MED12L: variants seen among roughly 807,000 people sequenced by gnomAD.
MED12L encodes the protein mediator complex subunit 12L.
In MED12L, 60 loss-of-function variants were observed where a neutral mutation model predicts 281.3. That is an observed-to-expected ratio of 0.21 (90% CI 0.17 to 0.26). MED12L has a LOEUF of 0.26. Ranked by LOEUF, MED12L falls within the 10% of genes least tolerant of loss-of-function variation. MED12L has a pLI of 1.00. For synonymous variants in MED12L, 974 were observed against 987.2 expected (o/e 0.99, Z 0.25); for missense variants, 2,146 against 2,680.9 (o/e 0.80, Z 4.41).
intron 16 of MED12L, among the ~76,000 whole-genome samples, chr3:151,292,160 T>G (rs890851027): frequency 6.6e-6 from 1 of 152,224 alleles, no homozygotes; most frequent in African/African-American, 2.4e-5. Flanking sequence ...ATTTAATAGC[T>G]TATATAAACA....
intron 6 of MED12L, among the ~76,000 whole-genome samples, chr3:151,157,777 A>C (rs1482103563): frequency 6.6e-6 from 1 of 152,228 alleles, no homozygotes; most frequent in Non-Finnish European, 1.5e-5. Context: ...TAACCATTGC[A>C]GTGGAACACT....
chr3:151,134,749 A>G (rs1464063251), intron 5 of MED12L, among the ~76,000 whole-genome samples: 1 of 152,218 alleles, frequency 6.6e-6, no homozygotes, highest in Non-Finnish European at 1.5e-5. Context: ...TGTTCAGGGA[A>G]GGGCATTTCT....
intron 32 of MED12L, among the ~76,000 whole-genome samples, chr3:151,380,703 G>T (rs1712136536): frequency 6.6e-6 from 1 of 151,656 alleles, no homozygotes. Flanking sequence ...GACACCACAA[G>T]ATTAACAACT....
At chr3:151,096,271 G>T (rs1307497465) in intron 2 of MED12L, among the ~76,000 whole-genome samples, 4 of 152,266 alleles carry the variant, frequency 2.6e-5, no homozygotes, top group South Asian at 2.1e-4. Context: ...CATGGTTTAA[G>T]CCACAGTTGG....
At chr3:151,429,079 CCACT>C (rs1378757784) in intron 43 of MED12L, among the ~76,000 whole-genome samples, 7 of 152,148 alleles carry the variant, frequency 4.6e-5, no homozygotes, top group Admixed American at 3.9e-4. Flanking sequence ...AGGTGATGGC[CCACT>C]CACTGACTGC....
chr3:151,403,052 G>A (rs2108305919), intron 39 of MED12L, among the ~76,000 whole-genome samples: 1 of 148,672 alleles, frequency 6.7e-6, no homozygotes, highest in East Asian at 2.0e-4. Flanking sequence ...AATTTTTATA[G>A]CATTGCCCTT....
intron 4 of MED12L, among the ~76,000 whole-genome samples, chr3:151,126,291 C>G (rs951761992): frequency 1.7e-4 from 26 of 152,144 alleles, no homozygotes; most frequent in Non-Finnish European, 3.5e-4. Context: ...GATCCACCTG[C>G]TTCTGCTTCC....
At chr3:151,137,817 T>A (rs79776978) in intron 5 of MED12L, among the ~76,000 whole-genome samples, 1 of 152,164 alleles carries the variant, frequency 6.6e-6, no homozygotes, top group Non-Finnish European at 1.5e-5. Flanking sequence ...TTTTTTTTTT[T>A]AAGCTTTACA....
At chr3:151,307,852 C>G (rs1746926558) in intron 16 of MED12L, among the ~76,000 whole-genome samples, 1 of 152,016 alleles carries the variant, frequency 6.6e-6, no homozygotes, top group Admixed American at 6.6e-5. Flanking sequence ...GAAGTAGCTT[C>G]CCTGGTAGAA....
At chr3:151,144,533 G>A (rs939593715) in intron 5 of MED12L, among the ~76,000 whole-genome samples, 46 of 152,032 alleles carry the variant, frequency 3.0e-4, no homozygotes, top group African/African-American at 1.0e-3. Context: ...CAGAGGCCTC[G>A]GCCCCCTGTT....
At chr3:151,362,059 T>C (rs1447893710) in intron 21 of MED12L, among the ~76,000 whole-genome samples, 5 of 151,818 alleles carry the variant, frequency 3.3e-5, no homozygotes, top group Non-Finnish European at 7.4e-5. Flanking sequence ...TTGTCATACC[T>C]CGTATCCAGT....
At chr3:151,172,821 C>T (rs1721597753) in intron 11 of MED12L, among the ~76,000 whole-genome samples, 1 of 152,218 alleles carries the variant, frequency 6.6e-6, no homozygotes, top group Non-Finnish European at 1.5e-5. Context: ...CACAGCCCAG[C>T]CAGAAGTGTA....
intron 43 of MED12L, among the ~76,000 whole-genome samples, chr3:151,418,422 T>G (rs1281599993): frequency 6.6e-6 from 1 of 152,202 alleles, no homozygotes; most frequent in Non-Finnish European, 1.5e-5. Context: ...CTTTCATGTC[T>G]TTTTACTCGC....
intron 6 of MED12L, among the ~76,000 whole-genome samples, chr3:151,157,600 C>G (rs1039773716): frequency 6.6e-6 from 1 of 152,024 alleles, no homozygotes; most frequent in Non-Finnish European, 1.5e-5. Context: ...CTTTATTGGT[C>G]TTAAAATTTT....
At chr3:151,288,651 C>G (rs141202971) in intron 16 of MED12L, among the ~76,000 whole-genome samples, 4,067 of 152,246 alleles carry the variant, frequency 0.027, 87 homozygotes, top group Non-Finnish European at 0.043. Context: ...TTTTTCTCTC[C>G]GTTTTTCCTT....
intron 16 of MED12L, among the ~76,000 whole-genome samples, chr3:151,196,451 T>G (rs1724672239): frequency 6.6e-6 from 1 of 152,220 alleles, no homozygotes; most frequent in African/African-American, 2.4e-5. Flanking sequence ...GAAAAGTGTT[T>G]TCCATGTCCC....
At chr3:151,206,587 C>A (rs988543340) in intron 16 of MED12L, among the ~76,000 whole-genome samples, 31 of 144,018 alleles carry the variant, frequency 2.2e-4, no homozygotes, top group Non-Finnish European at 3.3e-4. Flanking sequence ...TGCTTTTTTT[C>A]CCCCATTTGT....
At position 151,399,103 on chromosome 3, in the gene MED12L, C is replaced by T. The variant is rs186625646; in HGVS notation, c.5820+4236C>T. 3.5e-4 allele frequency among the ~76,000 whole-genome samples: 54 copies of T among 152,242 alleles called. 1 individual carries two copies. The highest frequency in any genetic ancestry group is 1.2e-3 in the African/African-American group (50 of 41,552). On this transcript the variant is annotated intron_variant, in intron 39 of 44. Transcript: ENST00000687756. Reference sequence around the variant, plus strand: ...CAATATCCTGTATTTAGATGGGACTCAGTACAATGGTTACACTATCTTTCT... The same window carrying T: ...CAATATCCTGTATTTAGATGGGACTTAGTACAATGGTTACACTATCTTTCT...
At chr3:151,250,539 T>C (rs1736646883) in intron 16 of MED12L, among the ~76,000 whole-genome samples, 1 of 152,222 alleles carries the variant, frequency 6.6e-6, no homozygotes, top group Non-Finnish European at 1.5e-5. Flanking sequence ...TGTCCTTTTT[T>C]GACTGGCTTA....
Sources: gnomAD v4.1 joint callset for allele counts (sites outside exome capture counted in the v4.1 genomes callset) on GRCh38, gnomAD v4.1.1 for gene constraint, MANE v1.5 for transcripts, NCBI Gene and HGNC (gene_info 2026-07-23, HGNC 2026-07-21) for gene names.